GRK3: variants seen among roughly 807,000 people sequenced by gnomAD.
GRK3 encodes adrenergic, beta, receptor kinase 2.
GRK3 carries 54 observed loss-of-function variants against 95.7 expected under a neutral mutation model. The observed-to-expected ratio is 0.56, with a 90% CI of 0.45 to 0.71. The LOEUF (loss-of-function observed/expected upper bound fraction) is 0.71. Ranked by LOEUF, GRK3 falls within the 30% of genes least tolerant of loss-of-function variation. GRK3 has a pLI of 0.00. For missense variants in GRK3, 649 were observed against 851.2 expected, an observed-to-expected ratio of 0.76 and a Z score of 2.96; for synonymous variants, 281 against 290.8, an observed-to-expected ratio of 0.97 and a Z score of 0.34.
chr22:25,695,219 G>C lies in GRK3; in HGVS notation c.1160+5G>C. On this transcript the variant is annotated splice_donor_5th_base_variant and intron_variant, in intron 13 of 20. Coordinates refer to ENST00000324198, the MANE Select transcript of GRK3 (RefSeq NM_005160.4). Reference sequence around the variant, plus strand: ...GCTTTTCAAACTTCTGAGAGGGTGAGTTGAAATGCATCCTTCTAGTGCTGT... The same window carrying C: ...GCTTTTCAAACTTCTGAGAGGGTGACTTGAAATGCATCCTTCTAGTGCTGT... 1.9e-6 allele frequency: 3 copies of C among 1,606,446 alleles called. No individual in the cohort carries two copies. Among genetic ancestry groups the C allele is most frequent in the Non-Finnish European group, 2.6e-6 (3 of 1,172,952 alleles).
intron 2 of GRK3, among the ~76,000 whole-genome samples, chr22:25,641,427 A>G (rs1444090026): frequency 6.6e-6 from 1 of 152,138 alleles, no homozygotes; most frequent in African/African-American, 2.4e-5. Flanking sequence ...TGTTACAGTC[A>G]ATGCTCTTGT....
chr22:25,694,997 T>A (rs1306910065), intron 12 of GRK3, 110 bp from the exon 13 acceptor site: 1 of 676,414 alleles, frequency 1.5e-6, no homozygotes, highest in East Asian at 2.6e-5. Context: ...TCCCCTCTCC[T>A]TTGTTTACAG....
At chr22:25,719,368 T>A (rs1205248239) in intron 19 of GRK3, among the ~76,000 whole-genome samples, 1 of 152,120 alleles carries the variant, frequency 6.6e-6, no homozygotes, top group Non-Finnish European at 1.5e-5. Flanking sequence ...AGTCTCTCCA[T>A]TGTACGGCCT....
In GRK3 at chr22:25,723,809, T is replaced by A; in HGVS notation, c.*1359T>A. 6.6e-6 allele frequency: 1 copy of A among 152,208 alleles called. No individual in the cohort carries two copies. 9.4% of individuals were successfully genotyped at this position (152,208 alleles called of 1,614,324 possible). Reference sequence around the variant, plus strand: ...AATTGTCTGCATCCTGTCCTTGATATTTTTAGCAGTTCCAAATCTTTGTTT... The same window carrying A: ...AATTGTCTGCATCCTGTCCTTGATAATTTTAGCAGTTCCAAATCTTTGTTT... On this transcript the variant is annotated 3_prime_UTR_variant, in exon 21 of 21. Transcript: ENST00000324198.
At chr22:25,619,644 T>C (rs2084566191) in intron 2 of GRK3, among the ~76,000 whole-genome samples, 1 of 148,120 alleles carries the variant, frequency 6.8e-6, no homozygotes, top group Non-Finnish European at 1.5e-5. Context: ...CGATCATACC[T>C]GGCTAGTTTT....
At chr22:25,708,264 C>T (rs770947681) in intron 15 of GRK3, among the ~76,000 whole-genome samples, 10 of 151,968 alleles carry the variant, frequency 6.6e-5, no homozygotes, top group Non-Finnish European at 1.2e-4. Flanking sequence ...GCGAGAGTCT[C>T]GTGAGGATGG....
At chr22:25,629,055 T>C (rs1232460220) in intron 2 of GRK3, among the ~76,000 whole-genome samples, 1 of 152,186 alleles carries the variant, frequency 6.6e-6, no homozygotes, top group Non-Finnish European at 1.5e-5. Context: ...TTTTGAACTA[T>C]ATTATTCATT....
intron 13 of GRK3, among the ~76,000 whole-genome samples, chr22:25,702,579 T>C (rs1029292940): frequency 1.3e-5 from 2 of 152,228 alleles, no homozygotes; most frequent in African/African-American, 4.8e-5. Flanking sequence ...TATTTAATAG[T>C]GTCTTTTAAT....
At chr22:25,705,950 C>T (rs2085296345) in intron 15 of GRK3, among the ~76,000 whole-genome samples, 1 of 152,164 alleles carries the variant, frequency 6.6e-6, no homozygotes, top group Non-Finnish European at 1.5e-5. Context: ...AGACAGGTAG[C>T]ATCCCTTGTG....
At chr22:25,612,821 T>G (rs546972610) in intron 2 of GRK3, among the ~76,000 whole-genome samples, 1 of 147,686 alleles carries the variant, frequency 6.8e-6, no homozygotes, top group African/African-American at 2.5e-5. Flanking sequence ...AATACATTGA[T>G]AAAAACAGAA....
chr22:25,698,605 A>G (rs1337235421), intron 13 of GRK3, among the ~76,000 whole-genome samples: 6 of 152,198 alleles, frequency 3.9e-5, no homozygotes, highest in African/African-American at 1.4e-4. Context: ...GAGAAGTCTC[A>G]GATGGTTGGG....
At position 25,601,780 on chromosome 22, in the gene GRK3, A is replaced by G. The variant is rs969556716; in HGVS notation, c.114-2597A>G. ...ATACCAGAACAATGAAATATTATAC[A>G]GAAAAAAAAGAACTTTGATTTCTAC... On this transcript the variant is annotated intron_variant, in intron 1 of 20. Transcript: ENST00000324198. Among the ~76,000 whole-genome samples the G allele has an allele frequency of 2.6e-4, 39 of 152,210 alleles. 1 individual carries two copies. Among genetic ancestry groups the G allele is most frequent in the Non-Finnish European group, 7.4e-5 (5 of 68,014 alleles).
chr22:25,693,774 CTTTTTTTTTT>C (rs542086916), intron 12 of GRK3, among the ~76,000 whole-genome samples: 3 of 112,840 alleles, frequency 2.7e-5, no homozygotes, highest in Non-Finnish European at 3.8e-5. Flanking sequence ...GTTAAAAATT[CTTTTTTTTTT>C]TTTTTTTTTT....
chr22:25,652,355 C>T (rs972381061), intron 3 of GRK3, among the ~76,000 whole-genome samples: 6 of 152,084 alleles, frequency 3.9e-5, no homozygotes, highest in East Asian at 1.9e-4. Flanking sequence ...GGCGTGAACC[C>T]GGGAGGCGGA....
chr22:25,612,440 T>C (rs1222133128), intron 2 of GRK3, among the ~76,000 whole-genome samples: 1 of 152,184 alleles, frequency 6.6e-6, no homozygotes, highest in African/African-American at 2.4e-5. Context: ...ATGAGTTTTT[T>C]TGTAGTGATC....
chr22:25,590,378 T>C (rs1470984091), intron 1 of GRK3, among the ~76,000 whole-genome samples: 1 of 152,152 alleles, frequency 6.6e-6, no homozygotes, highest in Non-Finnish European at 1.5e-5. Flanking sequence ...TATGCCTGAT[T>C]GTTATTTCTT....
At chr22:25,646,605 A>C (rs2084784223) in intron 3 of GRK3, among the ~76,000 whole-genome samples, 1 of 152,234 alleles carries the variant, frequency 6.6e-6, no homozygotes, top group Non-Finnish European at 1.5e-5. Context: ...TATGGAAACT[A>C]TGACAAAGTT....
At chr22:25,661,183 C>T (rs1030919412) in intron 3 of GRK3, among the ~76,000 whole-genome samples, 4 of 152,218 alleles carry the variant, frequency 2.6e-5, no homozygotes, top group African/African-American at 9.6e-5. Flanking sequence ...TGAGTGAGAA[C>T]ATTCCCTATC....
chr22:25,651,735 A>G (rs1244717052), intron 3 of GRK3, among the ~76,000 whole-genome samples: 1 of 152,256 alleles, frequency 6.6e-6, no homozygotes, highest in African/African-American at 2.4e-5. Flanking sequence ...GCAGTTCCTT[A>G]TATAATAACA....
Sources: gnomAD v4.1 joint callset for allele counts (sites outside exome capture counted in the v4.1 genomes callset) on GRCh38, gnomAD v4.1.1 for gene constraint, MANE v1.5 for transcripts, NCBI Gene and HGNC (gene_info 2026-07-23, HGNC 2026-07-21) for gene names.